Variants in MGA observed in about 807,000 individuals in gnomAD.
MGA encodes the protein MAX dimerization protein MGA.
A neutral mutation model predicts 261.1 loss-of-function variants in MGA; 40 were observed. The observed-to-expected ratio is 0.15, with a 90% CI of 0.12 to 0.20. The LOEUF (loss-of-function observed/expected upper bound fraction) is 0.20. Ranked by LOEUF, MGA falls within the 10% of genes least tolerant of loss-of-function variation. MGA has a pLI of 1.00. For missense variants in MGA, 3,397 were observed against 3,630.5 expected (o/e 0.94, Z 1.65); for synonymous variants, 1,302 against 1,290.6 (o/e 1.01, Z -0.19).
At chr15:41,651,950 T>C (rs1595573696) in intron 1 of MGA, among the ~76,000 whole-genome samples, 4 of 31,286 alleles carry the variant, frequency 1.3e-4, no homozygotes, top group Non-Finnish European at 1.8e-4. Flanking sequence ...TCTCTCCTCT[T>C]CCCCCCACCT....
intron 2 of MGA, among the ~76,000 whole-genome samples, chr15:41,693,922 C>T (rs2059417001): frequency 6.6e-6 from 1 of 151,910 alleles, no homozygotes; most frequent in Non-Finnish European, 1.5e-5. Context: ...AATTTTATTG[C>T]CTTTTCTTGT....
intron 5 of MGA, 141 bp from the exon 6 acceptor site, chr15:41,707,587 C>T: frequency 4.0e-6 from 3 of 741,302 alleles, no homozygotes; most frequent in Non-Finnish European, 6.3e-6. Context: ...TTGTTTTTTT[C>T]ATTGTTTTTG....
At chr15:41,728,057 C>T (rs1019171340) in intron 10 of MGA, among the ~76,000 whole-genome samples, 5 of 151,920 alleles carry the variant, frequency 3.3e-5, no homozygotes, top group African/African-American at 9.7e-5. Context: ...GGGCCGGGCG[C>T]GGTGGCTCAC....
chr15:41,630,138 C>T (rs1032547833), intron 1 of MGA, among the ~76,000 whole-genome samples: 10 of 152,124 alleles, frequency 6.6e-5, no homozygotes, highest in Non-Finnish European at 8.8e-5. Flanking sequence ...TCACACCTAC[C>T]GTGCCCAATG....
At chr15:41,724,440 A>C (rs2061117947) in intron 9 of MGA, among the ~76,000 whole-genome samples, 1 of 152,228 alleles carries the variant, frequency 6.6e-6, no homozygotes, top group Non-Finnish European at 1.5e-5. Flanking sequence ...TTGTATCTGC[A>C]AAGTCTGATA....
At chr15:41,761,984 G>A in intron 21 of MGA, 134 bp downstream of exon 21, 2 of 991,740 alleles carry the variant, frequency 2.0e-6, no homozygotes, top group Non-Finnish European at 1.5e-6. Context: ...CTTTGACTGG[G>A]TGGTGGGTTG....
chr15:41,759,734 GTGTTAAGTTTTAAA>G (rs1160751067), intron 19 of MGA, among the ~76,000 whole-genome samples: 17 of 152,290 alleles, frequency 1.1e-4, no homozygotes, highest in South Asian at 2.1e-4. Flanking sequence ...TGAGTTTTAA[GTGTTAAGTTTTAAA>G]TGTTAAGTTT....
In MGA at chr15:41,690,641, G is replaced by A. The variant is rs558751847; in HGVS notation, c.1065-5434G>A. ...AGGCCAAGGCAGTAGGATAGCTTGA[G>A]CCCAGGAGTTTGAGACCAGCCTGGT... On this transcript the variant is annotated intron_variant, in intron 2 of 23. Transcript: ENST00000219905. Among the ~76,000 whole-genome samples the A allele has an allele frequency of 2.0e-5, 3 of 152,198 alleles. No homozygotes were observed. In the South Asian group the frequency reaches 6.2e-4, roughly 32 times the overall value.
At chr15:41,652,374 C>T (rs1339589416) in intron 1 of MGA, among the ~76,000 whole-genome samples, 1 of 146,210 alleles carries the variant, frequency 6.8e-6, no homozygotes, top group Non-Finnish European at 1.5e-5. Context: ...TCTCCCCTCT[C>T]CCCTCTCCTT....
Position 41,671,484 on chromosome 15 carries a change from C to T in MGA, c.1064+1526C>T, listed in dbSNP as rs143228762. On this transcript the variant is annotated intron_variant, in intron 2 of 23. Transcript: ENST00000219905. Reference sequence around the variant, plus strand: ...GATTGCAGGTGTGTGCCACCATGCCCGGCTAAATTTTTTATATATTTTTTA... The same window carrying T: ...GATTGCAGGTGTGTGCCACCATGCCTGGCTAAATTTTTTATATATTTTTTA... Among the ~76,000 whole-genome samples the T allele has an allele frequency of 3.9e-5, 6 of 152,018 alleles. No homozygotes were observed. The East Asian group carries it at 9.7e-4, about 25-fold the overall frequency.
intron 2 of MGA, among the ~76,000 whole-genome samples, chr15:41,694,895 T>A (rs1199769561): frequency 6.6e-6 from 1 of 152,124 alleles, no homozygotes; most frequent in Non-Finnish European, 1.5e-5. Flanking sequence ...CTCAGTCTTC[T>A]GAATAGCTGG....
intron 13 of MGA, 133 bp downstream of exon 13, chr15:41,736,831 T>C (rs2061803399): frequency 2.8e-6 from 3 of 1,059,312 alleles, no homozygotes; most frequent in Non-Finnish European, 3.9e-6. Flanking sequence ...AAAATTATTA[T>C]CTCTTTTTGT....
intron 18 of MGA, 96 bp downstream of exon 18, chr15:41,754,663 G>C (rs2063042813): frequency 2.3e-6 from 3 of 1,331,102 alleles, no homozygotes; most frequent in Non-Finnish European, 3.0e-6. Context: ...AACTCATCTG[G>C]TTCCTTCTTC....
Position 41,766,046 on chromosome 15 carries a change from C to T in MGA, c.7964C>T (p.Thr2655Ile). 1 of 1,613,098 alleles carries T rather than the reference C, an allele frequency of 6.2e-7. No individual in the cohort carries two copies. Among genetic ancestry groups the T allele is most frequent in the Non-Finnish European group, 8.5e-7 (1 of 1,179,602 alleles). Residue 2655 changes from threonine to isoleucine, a missense_variant, in exon 24 of 24, where the codon ACA (threonine) becomes ATA (isoleucine). By Grantham distance (89) the Thr-to-Ile change is moderately conservative. Around this residue, in one of 9 missense-constraint regions of MGA, gnomAD observed 647 missense variants for 642.4 expected, o/e 1.01. Coordinates refer to ENST00000219905, the MANE Select transcript of MGA (RefSeq NM_001164273.2). The stretch of plus-strand genomic sequence containing the variant: ...ATGATGCCACGAATTGTTAATGTGA[C>T]ATCATTGGCCACAGAGGGAGGTTTG...
In MGA at chr15:41,711,184, A is replaced by ACAGCAG. The variant is rs565548940; in HGVS notation, c.2928_2933dup (p.Gln980_Gln981dup). 5.0e-6 allele frequency: 8 copies of ACAGCAG among 1,613,900 alleles called. No homozygotes were observed. Among genetic ancestry groups the ACAGCAG allele is most frequent in the South Asian group, 2.2e-5 (2 of 91,060 alleles). ...CAAAGCAGATTAGTTTGCGGCAGGC[A>ACAGCAG]CAGCAGCAGCAGCAACAGCAACAGG... On this transcript the variant is annotated inframe_insertion, in exon 8 of 24. Coordinates refer to ENST00000219905, the MANE Select transcript of MGA (RefSeq NM_001164273.2).
chr15:41,757,943 G>T, intron 19 of MGA, 104 bp downstream of exon 19: 1 of 942,368 alleles, frequency 1.1e-6, no homozygotes, highest in Non-Finnish European at 1.6e-6. Flanking sequence ...TTTTTTCTCA[G>T]GGCTATTTTT....
chr15:41,656,872 G>C (rs1351126450), upstream of MGA, among the ~76,000 whole-genome samples: 1 of 152,110 alleles, frequency 6.6e-6, no homozygotes, highest in African/African-American at 2.4e-5. Flanking sequence ...GACCTCCTGT[G>C]GTCAAGCATT....
chr15:41,630,091 A>G (rs2056555052), intron 1 of MGA, among the ~76,000 whole-genome samples: 1 of 152,126 alleles, frequency 6.6e-6, no homozygotes, highest in Non-Finnish European at 1.5e-5. Context: ...TGAGTACTCT[A>G]CATCATCTCG....
chr15:41,664,335 T>A (rs1389273336), intron 1 of MGA, among the ~76,000 whole-genome samples: 2 of 152,248 alleles, frequency 1.3e-5, no homozygotes, highest in Non-Finnish European at 2.9e-5. Context: ...AAGTGCAGTC[T>A]GATTTTCACC....
Sources: gnomAD v4.1 joint callset for allele counts (sites outside exome capture counted in the v4.1 genomes callset) on GRCh38, gnomAD v4.1.1 for gene constraint, gnomAD v4.1.1 regional missense constraint, MANE v1.5 for transcripts, NCBI Gene and HGNC (gene_info 2026-07-23, HGNC 2026-07-21) for gene names.